The following CREBBP variants were observed in gnomAD, a reference collection of about 807,000 sequenced individuals.
The protein encoded by CREBBP is CREB-binding protein.
Under a neutral mutation model 265.0 loss-of-function variants are expected in CREBBP, and 19 were observed. The ratio of observed to expected loss-of-function variants is 0.07; its 90% CI spans 0.05 to 0.11. CREBBP has a LOEUF of 0.11. Among genes scored for constraint, CREBBP ranks in the 10% least tolerant of loss-of-function variants. CREBBP has a pLI of 1.00. For missense variants in CREBBP, 2,525 were observed against 3,219.0 expected, an observed-to-expected ratio of 0.78 and a Z score of 5.22; for synonymous variants, 1,457 against 1,223.7, an observed-to-expected ratio of 1.19 and a Z score of -3.98.
chr16:3,848,372 C>G (rs1415567731), intron 2 of CREBBP, among the ~76,000 whole-genome samples: 1 of 152,110 alleles, frequency 6.6e-6, no homozygotes, highest in Non-Finnish European at 1.5e-5. Context: ...TCAGGGGGAC[C>G]ATGATGTCAA....
chr16:3,738,024 G>A (rs986771363), intron 26 of CREBBP, among the ~76,000 whole-genome samples: 1 of 152,008 alleles, frequency 6.6e-6, no homozygotes, highest in Non-Finnish European at 1.5e-5. Context: ...CTGACCTTGT[G>A]ATCCGCCCGC....
chr16:3,777,348 T>C (rs1221569286), intron 11 of CREBBP, among the ~76,000 whole-genome samples: 1 of 151,038 alleles, frequency 6.6e-6, no homozygotes, highest in African/African-American at 2.4e-5. Flanking sequence ...AAAATAAAAA[T>C]AAAATAAAAT....
At chr16:3,783,040 T>G in intron 5 of CREBBP, 114 bp from the exon 6 acceptor site, 1 of 1,345,724 alleles carries the variant, frequency 7.4e-7, no homozygotes, top group South Asian at 1.2e-5. Flanking sequence ...ATACTACACA[T>G]GAATATCATA....
At chr16:3,757,196 G>T in intron 19 of CREBBP, 92 bp downstream of exon 19, 1 of 1,148,222 alleles carries the variant, frequency 8.7e-7, no homozygotes, top group Non-Finnish European at 1.3e-6. Flanking sequence ...ACTTTTTATT[G>T]GAACTTCAGG....
rs541876454 is a variant in CREBBP at position 3,834,205 on chromosome 16, T to G, written c.798+16092A>C. 2.0e-5 allele frequency among the ~76,000 whole-genome samples: 3 copies of G among 152,356 alleles called. No individual in the cohort carries two copies. In the South Asian group the frequency reaches 6.2e-4, roughly 32 times the overall value. ...ATATAGACACTTTGGAAGACATTTT[T>G]GCAGTTTCTCACAAAACTAAGCATA... On this transcript the variant is annotated intron_variant, in intron 2 of 30. Transcript: ENST00000262367.
In CREBBP at chr16:3,835,108, G is replaced by A. The variant is rs145462721; in HGVS notation, c.798+15189C>T. On this transcript the variant is annotated intron_variant, in intron 2 of 30. Transcript: ENST00000262367. ...CGGGAGGTGGAGGTTGCAGTGAGCC[G>A]AGACCACGCCACTGCACTCCGGCCT... is the stretch of plus-strand genomic sequence containing the variant. Among the ~76,000 whole-genome samples, 270 of 152,220 alleles carry A rather than the reference G, an allele frequency of 1.8e-3. 4 individuals carry two copies. Among genetic ancestry groups the A allele is most frequent in the African/African-American group, 6.2e-3 (257 of 41,538 alleles).
chr16:3,825,776 G>C (rs543608208), intron 2 of CREBBP, among the ~76,000 whole-genome samples: 1 of 152,222 alleles, frequency 6.6e-6, no homozygotes, highest in Admixed American at 6.5e-5. Context: ...TCTTATAAGA[G>C]ACAAAGTTTT....
At position 3,879,876 on chromosome 16, in the gene CREBBP, C is replaced by A. The variant is rs1166925008; in HGVS notation, c.41G>T (p.Arg14Ile). The change falls in exon 1 of 31, where the codon AGA (arginine) becomes ATA (isoleucine). Residue 14 changes from arginine (R) to isoleucine (I), a missense_variant. Coordinates refer to ENST00000262367, the MANE Select transcript of CREBBP (RefSeq NM_004380.3). ...GAAACCGGGCGAGCTGAGTTTGGCTCTTTTGGGGTTGGGCGGTCCGTCCAG... is the reference window on the plus strand; with the variant it reads ...GAAACCGGGCGAGCTGAGTTTGGCTATTTTGGGGTTGGGCGGTCCGTCCAG... ...NLLDGPPNPK[R>I]AKLSSPGFSA... 3 of 1,612,602 alleles carry A rather than the reference C, an allele frequency of 1.9e-6. No individual in the cohort carries two copies. The highest frequency in any genetic ancestry group is 2.5e-6 in the Non-Finnish European group (3 of 1,179,322).
chr16:3,814,439 A>G (rs1019359896), intron 2 of CREBBP, among the ~76,000 whole-genome samples: 2 of 152,022 alleles, frequency 1.3e-5, no homozygotes, highest in Non-Finnish European at 2.9e-5. Flanking sequence ...ATTTTTTAGT[A>G]GAGACAGGGT....
chr16:3,833,581 A>T (rs2054385117), intron 2 of CREBBP, among the ~76,000 whole-genome samples: 1 of 152,244 alleles, frequency 6.6e-6, no homozygotes. Flanking sequence ...AGAATTAATA[A>T]GTGAGTTTAG....
intron 3 of CREBBP, among the ~76,000 whole-genome samples, chr16:3,797,538 CTAA>C (rs759548366): frequency 2.8e-4 from 43 of 152,148 alleles, no homozygotes; most frequent in Non-Finnish European, 4.9e-4. Context: ...TTAACATTAA[CTAA>C]TAATGAAATA....
At chr16:3,774,773 A>G (rs1255896710) in intron 11 of CREBBP, 80 bp from the exon 12 acceptor site, 5 of 1,573,126 alleles carry the variant, frequency 3.2e-6, no homozygotes, top group Non-Finnish European at 4.4e-6. Flanking sequence ...TAAACTCTTA[A>G]GTAAAATAAG....
intron 28 of CREBBP, 22 bp downstream of exon 28, chr16:3,736,014 G>C (rs775226514): frequency 3.1e-6 from 5 of 1,614,194 alleles, no homozygotes; most frequent in Non-Finnish European, 4.2e-6. Flanking sequence ...GTGGGCAATG[G>C]AGCTCAGAGA....
chr16:3,868,864 C>T (rs182274449), intron 1 of CREBBP, among the ~76,000 whole-genome samples: 14 of 152,300 alleles, frequency 9.2e-5, no homozygotes, highest in East Asian at 7.7e-4. Flanking sequence ...GTGCCCCACA[C>T]GTAAAATGTG....
At chr16:3,792,857 C>A (rs543778837) in intron 4 of CREBBP, among the ~76,000 whole-genome samples, 2 of 152,204 alleles carry the variant, frequency 1.3e-5, no homozygotes, top group African/African-American at 2.4e-5. Context: ...CACCACCCCC[C>A]CTGGGATGAT....
chr16:3,749,714 T>C, intron 20 of CREBBP, 31 bp from the exon 21 acceptor site: 2 of 1,438,634 alleles, frequency 1.4e-6, no homozygotes, highest in Non-Finnish European at 1.9e-6. Flanking sequence ...CATGTTTTAT[T>C]AACTAAAATT....
rs777343408 is a variant in CREBBP, at chr16:3,728,390, G to A, written c.6657C>T (p.Ala2219=). The change falls in exon 31 of 31, where the codon GCC becomes GCT. Residue 2219 remains alanine (A), a synonymous_variant. Coordinates refer to ENST00000262367, the MANE Select transcript of CREBBP (RefSeq NM_004380.3). This position sits in a 1 kb window ranked among gnomAD's most constrained non-coding sequence, Gnocchi z 8.7. ...GCCCCGCCATGCCCCCAGCCATGCC[G>A]GCACTCCCTTGCTGCTGCTGCTGTT... is the stretch of plus-strand genomic sequence containing the variant. ...QQQQQQQQGS[A]GMAGGMAGHG... The A allele has an allele frequency of 1.2e-5, 19 of 1,613,530 alleles. No homozygotes were observed. The highest frequency in any genetic ancestry group is 5.0e-5 in the Admixed American group (3 of 59,952).
Position 3,777,917 on chromosome 16 carries a change from T to C in CREBBP, c.2113+94A>G. On this transcript the variant is annotated intron_variant, in intron 10 of 30. Transcript: ENST00000262367. The stretch of plus-strand genomic sequence containing the variant: ...CAGCTTCTGCAGGGCATGCATCAGA[T>C]ATTCTAATTCTCTGTTCTTAGAAAT... 2.8e-6 allele frequency: 4 copies of C among 1,423,350 alleles called. No individual in the cohort carries two copies. The Admixed American group carries it at 6.8e-5, about 24-fold the overall frequency. 88.2% of individuals were successfully genotyped at this position (1,423,350 alleles called of 1,614,324 possible).
intron 13 of CREBBP, 173 bp downstream of exon 13, chr16:3,773,578 C>A (rs1275770587): frequency 1.2e-5 from 8 of 680,462 alleles, no homozygotes; most frequent in South Asian, 1.9e-5. Flanking sequence ...AAATTCCAAA[C>A]GAGTTAAGGA....
Sources: allele counts gnomAD v4.1 joint callset (sites outside exome capture counted in the v4.1 genomes callset), GRCh38; gene constraint gnomAD v4.1.1; non-coding constraint Gnocchi (gnomAD v3.1); transcripts MANE v1.5; gene names NCBI Gene and HGNC (gene_info 2026-07-23, HGNC 2026-07-21).